The following SLCO4A1 variants were observed in gnomAD, a reference collection of about 807,000 sequenced individuals.
SLCO4A1 encodes solute carrier organic anion transporter family member 4A1.
In SLCO4A1, 51 loss-of-function variants were observed where a neutral mutation model predicts 64.6. The observed-to-expected ratio is 0.79, with a 90% confidence interval of 0.63 to 1.00. SLCO4A1 has a LOEUF of 1.00. Among genes scored for constraint, SLCO4A1 ranks in the 50% least tolerant of loss-of-function variants. The pLI, the probability that SLCO4A1 is intolerant of heterozygous loss-of-function variation, is 0.00. For synonymous variants in SLCO4A1, 471 were observed against 444.9 expected, an observed-to-expected ratio of 1.06 and a Z score of -0.74; for missense variants, 919 against 980.5, an observed-to-expected ratio of 0.94 and a Z score of 0.84.
intron 7 of SLCO4A1, chr20:62,666,843 C>T: frequency 2.2e-6 from 1 of 448,374 alleles, no homozygotes; most frequent in Non-Finnish European, 4.0e-6. Flanking sequence ...GCACTCTGCT[C>T]TGTAGCTGTG....
At position 62,667,606 on chromosome 20, in the gene SLCO4A1, G is replaced by A. The variant is rs1345963911; in HGVS notation, c.1473-139G>A. 5.2e-6 allele frequency: 5 copies of A among 963,918 alleles called. No homozygotes were observed. The African/African-American group carries it at 8.2e-5, about 16-fold the overall frequency. 59.7% of individuals were successfully genotyped at this position (963,918 alleles called of 1,614,324 possible). ...CCCAGTGTGAGTGCCCAGCGTGCTG[G>A]GGGCGGTGCAAGCTTGGCAAGTTTG... On this transcript the variant is annotated intron_variant, in intron 7 of 11. Transcript: ENST00000217159.
intron 2 of SLCO4A1, among the ~76,000 whole-genome samples, chr20:62,680,389 G>A (rs551677331): frequency 1.3e-5 from 2 of 152,264 alleles, no homozygotes; most frequent in East Asian, 1.9e-4. Context: ...GGAACCTCCA[G>A]TACAATGTCA....
chr20:62,674,456 G>T (rs575775376), downstream of SLCO4A1, among the ~76,000 whole-genome samples: 57 of 152,342 alleles, frequency 3.7e-4, no homozygotes, highest in African/African-American at 1.3e-3. Context: ...TCAGGGAAAG[G>T]GGGGAAGAGC....
chr20:62,652,435 C>T (rs1982742024), intron 1 of SLCO4A1, among the ~76,000 whole-genome samples: 1 of 152,218 alleles, frequency 6.6e-6, no homozygotes. Flanking sequence ...CGGTGGAGCC[C>T]TTGCGCCTCC....
intron 2 of SLCO4A1, among the ~76,000 whole-genome samples, chr20:62,681,395 G>A (rs1600697653): frequency 6.6e-6 from 1 of 152,068 alleles, no homozygotes; most frequent in Non-Finnish European, 1.5e-5. Flanking sequence ...GTATTAAGCC[G>A]TGTCACTTGT....
chr20:62,647,343 G>A (rs2147057774), intron 1 of SLCO4A1, among the ~76,000 whole-genome samples: 1 of 152,324 alleles, frequency 6.6e-6, no homozygotes, highest in East Asian at 1.9e-4. Flanking sequence ...TGTGGCTGTG[G>A]CTGGCAGCCT....
chr20:62,666,582 G>T lies in SLCO4A1; in HGVS notation c.1472+7G>T, dbSNP rs1008051031. 6.2e-7 allele frequency: 1 copy of T among 1,610,662 alleles called. No individual in the cohort carries two copies. Among genetic ancestry groups the T allele is most frequent in the South Asian group, 1.1e-5 (1 of 91,064 alleles). On this transcript the variant is annotated splice_region_variant and intron_variant, in intron 7 of 11. Coordinates refer to ENST00000217159, the MANE Select transcript of SLCO4A1 (RefSeq NM_016354.4). ...CAGCCAGCTACGGCGGGAGGTGAGG[G>T]CCAGATGGCACCTGGGTACGCGTCG...
downstream of SLCO4A1, among the ~76,000 whole-genome samples, chr20:62,690,050 A>G (rs1988179670): frequency 6.6e-6 from 1 of 152,056 alleles, no homozygotes; most frequent in African/African-American, 2.4e-5. Flanking sequence ...CAGGTGAACG[A>G]CCCCAGCCCC....
In SLCO4A1 at chr20:62,671,663, GC is replaced by G. The variant is rs1987230839; in HGVS notation, c.2026-86del. 48 of 1,277,856 alleles carry G rather than the reference GC, an allele frequency of 3.8e-5. No individual in the cohort carries two copies. The South Asian group carries it at 6.3e-4, about 17-fold the overall frequency. 79.2% of individuals were successfully genotyped at this position (1,277,856 alleles called of 1,614,324 possible). ...CCTGGTGAGGGTGCTGCAGGCTGGG[GC>G]AGGGACAGGACTGGGACAGGCCCAC... On this transcript the variant is annotated intron_variant, in intron 11 of 11. Transcript: ENST00000217159.
At chr20:62,657,342 C>T in intron 2 of SLCO4A1, 92 bp downstream of exon 2, 1 of 1,213,148 alleles carries the variant, frequency 8.2e-7, no homozygotes, top group Non-Finnish European at 1.1e-6. Flanking sequence ...GCCCCGCCCC[C>T]TGCCTTCGTG....
chr20:62,677,743 A>G (rs764235793), intron 2 of SLCO4A1, among the ~76,000 whole-genome samples: 2 of 152,250 alleles, frequency 1.3e-5, no homozygotes, highest in Non-Finnish European at 2.9e-5. Flanking sequence ...CAGAGGTGAC[A>G]CAGCTTCTAC....
downstream of SLCO4A1, among the ~76,000 whole-genome samples, chr20:62,676,718 G>C (rs1156931715): frequency 1.3e-5 from 2 of 152,214 alleles, no homozygotes; most frequent in Non-Finnish European, 2.9e-5. Context: ...CAGCCGCTTT[G>C]GAAAACAGTT....
rs201255008 is a variant in SLCO4A1, at chr20:62,680,569, G to GT, written n.212-4857dup. ...CCCTTCTATTTCTAGTTTGCTGATG[G>GT]TTTTTTTTTTTTTTTAACCATAAAT... On this transcript the variant is annotated intron_variant and non_coding_transcript_variant, in intron 2 of 2. Transcript: ENST00000466818. Among the ~76,000 whole-genome samples, 171 of 146,328 alleles carry GT rather than the reference G, an allele frequency of 1.2e-3. 1 individual carries two copies. The South Asian group carries it at 0.014, about 12-fold the overall frequency.
At chr20:62,648,368 C>G (rs570068408) in intron 1 of SLCO4A1, among the ~76,000 whole-genome samples, 4 of 152,320 alleles carry the variant, frequency 2.6e-5, no homozygotes, top group African/African-American at 9.6e-5. Context: ...AAGGATGGGC[C>G]GAGAGGTGAG....
intron 11 of SLCO4A1, 119 bp downstream of exon 11, chr20:62,669,197 GC>G: frequency 9.6e-7 from 1 of 1,043,066 alleles, no homozygotes; most frequent in Non-Finnish European, 1.4e-6. Context: ...TGTTCCTGCA[GC>G]CAGTTTGTAG....
chr20:62,658,161 C>T (rs1436180557), intron 2 of SLCO4A1, among the ~76,000 whole-genome samples: 1 of 152,266 alleles, frequency 6.6e-6, no homozygotes, highest in East Asian at 1.9e-4. Flanking sequence ...TGACCTCAGC[C>T]TCCTCATGTC....
At chr20:62,664,673 A>T (rs897305709) in intron 5 of SLCO4A1, among the ~76,000 whole-genome samples, 3 of 152,156 alleles carry the variant, frequency 2.0e-5, no homozygotes, top group African/African-American at 7.2e-5. Flanking sequence ...TCTCTGGAAT[A>T]AGTGTGGGTG....
chr20:62,664,219 A>G (rs1005945891), intron 5 of SLCO4A1, among the ~76,000 whole-genome samples: 1 of 152,088 alleles, frequency 6.6e-6, no homozygotes, highest in African/African-American at 2.4e-5. Context: ...CCAGGGCTCC[A>G]GGCCCATGCA....
downstream of SLCO4A1, among the ~76,000 whole-genome samples, chr20:62,689,579 G>A (rs1191607409): frequency 1.3e-5 from 2 of 152,154 alleles, no homozygotes; most frequent in South Asian, 4.1e-4. Flanking sequence ...AGGGCCCAGC[G>A]AGCCGGGTGC....
Sources: allele counts gnomAD v4.1 joint callset (sites outside exome capture counted in the v4.1 genomes callset), GRCh38; gene constraint gnomAD v4.1.1; transcripts MANE v1.5; gene names NCBI Gene and HGNC (gene_info 2026-07-23, HGNC 2026-07-21).